Variants in CCM2 observed in about 807,000 individuals in gnomAD.
CCM2 encodes the protein CCM2 scaffold protein.
In CCM2, 25 loss-of-function variants were observed where a neutral mutation model predicts 44.9. The observed-to-expected ratio is 0.56, with a 90% confidence interval of 0.41 to 0.78. The LOEUF (loss-of-function observed/expected upper bound fraction) is 0.78, where lower values mean the gene tolerates loss of function less well. CCM2 is among the 30% of genes least tolerant of loss of function. The pLI is 0.00. For missense variants in CCM2, 481 were observed against 580.6 expected, an observed-to-expected ratio of 0.83 and a Z score of 1.76; for synonymous variants, 219 against 241.1, an observed-to-expected ratio of 0.91 and a Z score of 0.85.
chr7:45,021,241 A>T (rs1265582164), intron 1 of CCM2, among the ~76,000 whole-genome samples: 1 of 152,056 alleles, frequency 6.6e-6, no homozygotes, highest in African/African-American at 2.4e-5. Flanking sequence ...TGGGTAATAG[A>T]GCAAGACCCT....
intron 2 of CCM2, among the ~76,000 whole-genome samples, chr7:45,052,238 A>G (rs796507953): frequency 9.8e-5 from 15 of 152,322 alleles, no homozygotes; most frequent in African/African-American, 3.6e-4. Context: ...GGAGTTCTGA[A>G]GTATTCAGCT....
At position 45,076,112 on chromosome 7, in the gene CCM2, C is replaced by A. The variant is rs1159390709; in HGVS notation, c.*55C>A. 4 of 1,607,308 alleles carry A rather than the reference C, an allele frequency of 2.5e-6. No individual in the cohort carries two copies. Among genetic ancestry groups the A allele is most frequent in the Middle Eastern group, 3.7e-4 (2 of 5,396 alleles). The stretch of plus-strand genomic sequence containing the variant: ...TTCCGCGCAGTCGTCATAGGCCTTC[C>A]CAGAAGGAGCTGCCCAGACCTGCGT... On this transcript the variant is annotated 3_prime_UTR_variant, in exon 10 of 10. Coordinates refer to ENST00000258781, the MANE Select transcript of CCM2 (RefSeq NM_031443.4).
chr7:45,070,422 C>A, intron 6 of CCM2: 1 of 456,270 alleles, frequency 2.2e-6, no homozygotes, highest in Non-Finnish European at 4.4e-6. Context: ...GCTGCTCAGG[C>A]TGCCCTGGGA....
Position 45,000,255 on chromosome 7 carries a change from C to A in CCM2, c.-79C>A. ...GCCGGGAGCGCGGGGGCGGCGGGCC[C>A]GGGTCGAGCATGTAGCGGCTGCTGG... On this transcript the variant is annotated 5_prime_UTR_variant, in exon 1 of 10. Transcript: ENST00000258781. 4 of 884,790 alleles carry A rather than the reference C, an allele frequency of 4.5e-6. No individual in the cohort carries two copies. Among genetic ancestry groups the A allele is most frequent in the Non-Finnish European group, 5.4e-6 (4 of 737,360 alleles). The allele number at this position is 884,790 out of a possible 1,614,324, so 54.8% of individuals were successfully genotyped here. A position where few individuals can be genotyped will look rare whatever the true frequency, so the allele number is the denominator to read the frequency against.
At chr7:44,999,752 G>C, upstream of CCM2, 2 of 449,698 alleles carry the variant, frequency 4.4e-6, no homozygotes, top group Non-Finnish European at 8.9e-6. Context: ...AGGCAGGCTG[G>C]GAAGTCGGCC....
chr7:45,073,893 T>C (rs551306748), intron 8 of CCM2: 9 of 521,026 alleles, frequency 1.7e-5, no homozygotes, highest in South Asian at 2.2e-5. Context: ...CCCCATCTTA[T>C]ATAGTTCTGT....
At chr7:45,039,147 C>T (rs1160912718) in intron 2 of CCM2, among the ~76,000 whole-genome samples, 1 of 152,194 alleles carries the variant, frequency 6.6e-6, no homozygotes, top group Non-Finnish European at 1.5e-5. Flanking sequence ...GGGATTTCCA[C>T]TCTCACCTGG....
chr7:45,075,137 G>T (rs1251707539), intron 9 of CCM2, among the ~76,000 whole-genome samples: 2 of 152,234 alleles, frequency 1.3e-5, no homozygotes, highest in Non-Finnish European at 2.9e-5. Context: ...CTGGAGGCTG[G>T]GGCAGCCTGT....
At chr7:45,046,810 ATTTTTAAACCACATAT>A (rs1797776795) in intron 2 of CCM2, among the ~76,000 whole-genome samples, 1 of 152,222 alleles carries the variant, frequency 6.6e-6, no homozygotes, top group Non-Finnish European at 1.5e-5. Context: ...GAGAGGAGAT[ATTTTTAAACCACATAT>A]CTGACAGAGG....
chr7:45,024,761 C>G (rs1796617617), intron 1 of CCM2, among the ~76,000 whole-genome samples: 1 of 152,180 alleles, frequency 6.6e-6, no homozygotes, highest in Non-Finnish European at 1.5e-5. Context: ...CTGAGTCTTA[C>G]TGCTTTTACA....
intron 3 of CCM2, 30 bp from the exon 4 acceptor site, chr7:45,064,433 G>A: frequency 6.2e-7 from 1 of 1,610,640 alleles, no homozygotes; most frequent in Non-Finnish European, 8.5e-7. Context: ...AGCTGAGTCT[G>A]TATTTCTGAT....
chr7:45,049,042 A>C (rs1486519311), intron 2 of CCM2, among the ~76,000 whole-genome samples: 1 of 152,280 alleles, frequency 6.6e-6, no homozygotes, highest in African/African-American at 2.4e-5. Flanking sequence ...TGCAGCTTCA[A>C]CTTCCCTGGG....
rs149472022 is a variant in CCM2, at chr7:45,009,018, T to C, written c.30+8655T>C. The stretch of plus-strand genomic sequence containing the variant: ...CCTCAGCATTTTATGATGAAAATTT[T>C]TGGGACAGGCACGGTGCTCACGCCT... On this transcript the variant is annotated intron_variant, in intron 1 of 9. Coordinates refer to ENST00000258781, the MANE Select transcript of CCM2 (RefSeq NM_031443.4). Among the ~76,000 whole-genome samples the C allele has an allele frequency of 3.5e-3, 539 of 152,162 alleles. 4 individuals carry two copies. The highest frequency in any genetic ancestry group is 0.012 in the African/African-American group (510 of 41,534).
chr7:45,013,651 T>A (rs1178598107), intron 1 of CCM2, among the ~76,000 whole-genome samples: 1 of 152,238 alleles, frequency 6.6e-6, no homozygotes, highest in Non-Finnish European at 1.5e-5. Context: ...GTTATGATAC[T>A]TTCTTTATAT....
intron 4 of CCM2, 150 bp from the exon 5 acceptor site, chr7:45,068,293 G>A: frequency 1.1e-6 from 1 of 948,398 alleles, no homozygotes; most frequent in Non-Finnish European, 1.7e-6. Context: ...AGTGTGTCTG[G>A]TGCAGGCCCT....
At chr7:45,072,805 C>G in intron 7 of CCM2, 22 bp downstream of exon 7, 1 of 1,598,598 alleles carries the variant, frequency 6.3e-7, no homozygotes, top group Non-Finnish European at 8.6e-7. Flanking sequence ...TGCCACCAAG[C>G]CCTGCGGTGG....
At chr7:45,072,399 C>T (rs1009973150) in intron 6 of CCM2, 12 of 479,806 alleles carry the variant, frequency 2.5e-5, no homozygotes, top group Non-Finnish European at 3.8e-6. Flanking sequence ...GACAAAGCCC[C>T]AGTAACCCTG....
chr7:45,036,146 A>C (rs1313748208), intron 1 of CCM2, among the ~76,000 whole-genome samples: 1 of 151,972 alleles, frequency 6.6e-6, no homozygotes, highest in East Asian at 1.9e-4. Flanking sequence ...AGAGCTGGCA[A>C]AGGGTGCGTG....
In CCM2 at chr7:45,059,648, G is replaced by A. The variant is rs145027908; in HGVS notation, c.205-4270G>A. Among the ~76,000 whole-genome samples the A allele has an allele frequency of 4.3e-3, 647 of 152,156 alleles. 4 individuals carry two copies. The highest frequency in any genetic ancestry group is 0.015 in the African/African-American group (623 of 41,492). On this transcript the variant is annotated intron_variant, in intron 2 of 9. Transcript: ENST00000258781. ...CGTGTAGTCTCATCTACTAGTGGGA[G>A]GATCGCTTCAGCCTGGGAGGTTGAG...
Sources: gnomAD v4.1 joint callset for allele counts (sites outside exome capture counted in the v4.1 genomes callset) on GRCh38, gnomAD v4.1.1 for gene constraint, MANE v1.5 for transcripts, NCBI Gene and HGNC (gene_info 2026-07-23, HGNC 2026-07-21) for gene names.